CEP83: variants seen among roughly 807,000 people sequenced by gnomAD.
CEP83 encodes centrosomal protein of 83 kDa.
In CEP83, 70 loss-of-function variants were observed where a neutral mutation model predicts 101.9. That is an observed-to-expected ratio of 0.69 (90% confidence interval 0.57 to 0.84). The LOEUF (loss-of-function observed/expected upper bound fraction) is 0.84, where lower values mean the gene tolerates loss of function less well. Ranked by LOEUF, CEP83 falls within the 40% of genes least tolerant of loss-of-function variation. The pLI is 0.00. For missense variants in CEP83, 715 were observed against 787.2 expected (o/e 0.91, Z 1.10); for synonymous variants, 264 against 267.9 (o/e 0.99, Z 0.14).
At chr12:94,338,970 T>C (rs1052435648) in intron 11 of CEP83, among the ~76,000 whole-genome samples, 4 of 151,908 alleles carry the variant, frequency 2.6e-5, no homozygotes, top group African/African-American at 9.7e-5. Flanking sequence ...TTTTTTTTTT[T>C]TTCTTTTTTT....
chr12:94,278,799 C>T, the CEP83 span, among the ~76,000 whole-genome samples: 2 of 152,116 alleles, frequency 1.3e-5, no homozygotes, highest in Non-Finnish European at 2.9e-5. Flanking sequence ...ACTTTGAGAC[C>T]AGCCTGGCCA....
At position 94,451,401 on chromosome 12, in the gene CEP83, C is replaced by G. The variant is rs2067238980; in HGVS notation, c.-155+8156G>C. Among the ~76,000 whole-genome samples the G allele has an allele frequency of 2.7e-5, 4 of 148,472 alleles. No individual in the cohort carries two copies. In the South Asian group the frequency reaches 8.6e-4, roughly 32 times the overall value. ...GGAGAAATATTTGCAAATCTTATCT[C>G]TGATATTAAAAACAATACAAACTTT... On this transcript the variant is annotated intron_variant, in intron 1 of 16. Coordinates refer to ENST00000397809, the MANE Select transcript of CEP83 (RefSeq NM_016122.3).
chr12:94,394,030 G>T (rs1378257941), intron 6 of CEP83, among the ~76,000 whole-genome samples: 1 of 152,132 alleles, frequency 6.6e-6, no homozygotes, highest in Non-Finnish European at 1.5e-5. Flanking sequence ...AATCAATATC[G>T]TGAAAATGGC....
intron 15 of CEP83, 55 bp from the exon 16 acceptor site, chr12:94,310,162 G>A: frequency 2.7e-6 from 2 of 750,244 alleles, no homozygotes; most frequent in Non-Finnish European, 4.1e-6. Context: ...TTGAAGCACA[G>A]TATGATTCAC....
At chr12:94,297,486 A>T in the CEP83 span, 2 of 1,116,212 alleles carry the variant, frequency 1.8e-6, no homozygotes, top group South Asian at 2.6e-5. Context: ...TGTTTGACTT[A>T]ATTTCCACTG....
At position 94,403,154 on chromosome 12, in the gene CEP83, A is replaced by C. The variant is rs369556807; in HGVS notation, c.417+16T>G. 3.1e-6 allele frequency: 4 copies of C among 1,275,442 alleles called. No homozygotes were observed. Among genetic ancestry groups the C allele is most frequent in the Non-Finnish European group, 4.6e-6 (4 of 874,648 alleles). The allele number at this position is 1,275,442 out of a possible 1,614,324, so 79.0% of individuals were successfully genotyped here. A position where few individuals can be genotyped will look rare whatever the true frequency, so the allele number is the denominator to read the frequency against. On this transcript the variant is annotated intron_variant, in intron 5 of 16. Transcript: ENST00000397809. Reference sequence around the variant, plus strand: ...CCATGAGGATAAATGCATAGTAAACAACATAAGTTACTTACTTCATCTAGA... The same window carrying C: ...CCATGAGGATAAATGCATAGTAAACCACATAAGTTACTTACTTCATCTAGA...
At chr12:94,325,611 A>C (rs774651628) in intron 14 of CEP83, among the ~76,000 whole-genome samples, 2 of 152,248 alleles carry the variant, frequency 1.3e-5, no homozygotes, top group African/African-American at 2.4e-5. Context: ...TGAATGAGTA[A>C]GTACCTGATA....
chr12:94,416,550 A>C (rs1259764295), intron 2 of CEP83, among the ~76,000 whole-genome samples: 1 of 88,482 alleles, frequency 1.1e-5, no homozygotes, highest in Admixed American at 1.1e-4. Flanking sequence ...TCCAAATACC[A>C]TACACACACA....
At chr12:94,333,709 A>G (rs956780007) in intron 12 of CEP83, 70 bp from the exon 13 acceptor site, 1 of 1,468,934 alleles carries the variant, frequency 6.8e-7, no homozygotes, top group African/African-American at 1.4e-5. Flanking sequence ...GAGAAGCAGA[A>G]GATACTAAGC....
At chr12:94,426,194 G>A (rs2065189597) in intron 2 of CEP83, among the ~76,000 whole-genome samples, 1 of 151,724 alleles carries the variant, frequency 6.6e-6, no homozygotes, top group Non-Finnish European at 1.5e-5. Flanking sequence ...AGCTTCCTGA[G>A]CACATACTGC....
At chr12:94,363,944 T>A in intron 11 of CEP83, among the ~76,000 whole-genome samples, 1 of 131,916 alleles carries the variant, frequency 7.6e-6, no homozygotes. Context: ...TGAGACGCTG[T>A]CTCAAAAAAA....
intron 1 of CEP83, among the ~76,000 whole-genome samples, chr12:94,452,625 G>A (rs1400103546): frequency 6.6e-6 from 1 of 152,062 alleles, no homozygotes; most frequent in Non-Finnish European, 1.5e-5. Context: ...AGGGACACAG[G>A]ACATGTTCAT....
chr12:94,267,204 A>T, the CEP83 span, among the ~76,000 whole-genome samples: 3 of 152,370 alleles, frequency 2.0e-5, no homozygotes, highest in Non-Finnish European at 2.9e-5. Context: ...CATTTCAGTC[A>T]TGAGACAACA....
At chr12:94,346,605 C>T (rs1456987883) in intron 11 of CEP83, among the ~76,000 whole-genome samples, 1 of 152,186 alleles carries the variant, frequency 6.6e-6, no homozygotes, top group Non-Finnish European at 1.5e-5. Flanking sequence ...GAAAGTGAGA[C>T]TGGTGTCTGA....
chr12:94,323,082 C>T (rs1277998897), intron 14 of CEP83, among the ~76,000 whole-genome samples: 1 of 152,236 alleles, frequency 6.6e-6, no homozygotes, highest in Non-Finnish European at 1.5e-5. Context: ...TGTAACACTG[C>T]TACCAGTGGC....
chr12:94,269,974 C>T, the CEP83 span, among the ~76,000 whole-genome samples: 4 of 152,212 alleles, frequency 2.6e-5, no homozygotes, highest in Non-Finnish European at 4.4e-5. Context: ...ACTTTCTTCT[C>T]ATGCCTGTAA....
chr12:94,266,320 G>T, the CEP83 span, among the ~76,000 whole-genome samples: 1 of 152,222 alleles, frequency 6.6e-6, no homozygotes, highest in African/African-American at 2.4e-5. Flanking sequence ...ACCATGCACA[G>T]CTGCCATCCG....
chr12:94,454,382 T>C (rs1350939567), intron 1 of CEP83, among the ~76,000 whole-genome samples: 1 of 152,216 alleles, frequency 6.6e-6, no homozygotes, highest in African/African-American at 2.4e-5. Flanking sequence ...GGGTCCGGTG[T>C]GGACTTGGAG....
intron 11 of CEP83, among the ~76,000 whole-genome samples, chr12:94,340,904 TC>T (rs2059656651): frequency 6.6e-6 from 1 of 152,150 alleles, no homozygotes; most frequent in Admixed American, 6.5e-5. Flanking sequence ...AGGAGAAAAG[TC>T]ACTATTATCT....
Sources: gnomAD v4.1 joint callset for allele counts (sites outside exome capture counted in the v4.1 genomes callset) on GRCh38, gnomAD v4.1.1 for gene constraint, MANE v1.5 for transcripts, NCBI Gene and HGNC (gene_info 2026-07-23, HGNC 2026-07-21) for gene names.